Variants in HYCC2 observed in about 807,000 individuals in gnomAD.
The protein encoded by HYCC2 is hyccin PI4KA lipid kinase complex subunit 2, also known as hyccin 2.
At chr2:201,054,571 G>C in the HYCC2 span, among the ~76,000 whole-genome samples, 9 of 152,050 alleles carry the variant, frequency 5.9e-5, no homozygotes, top group African/African-American at 2.2e-4. Context: ...CCTTTTAGTA[G>C]GAAATAATAT....
At chr2:201,068,113 C>T in the HYCC2 span, among the ~76,000 whole-genome samples, 1 of 151,912 alleles carries the variant, frequency 6.6e-6, no homozygotes, top group Non-Finnish European at 1.5e-5. Context: ...GGAGAAATCC[C>T]GTCTCTACTA....
chr2:200,979,528 GAA>G, the HYCC2 span: 3 of 140,684 alleles, frequency 2.1e-5, no homozygotes, highest in Non-Finnish European at 3.1e-5. Context: ...TGCTAGGTGT[GAA>G]AAAAAAAAAG....
the HYCC2 span, among the ~76,000 whole-genome samples, chr2:201,065,317 A>G: frequency 6.6e-6 from 1 of 152,250 alleles, no homozygotes; most frequent in Admixed American, 6.5e-5. Flanking sequence ...AGTCCATGAT[A>G]TAGATGCACT....
the HYCC2 span, among the ~76,000 whole-genome samples, chr2:201,060,198 G>C: frequency 3.9e-5 from 6 of 152,122 alleles, no homozygotes; most frequent in Non-Finnish European, 5.9e-5. Flanking sequence ...GAGCTTAACA[G>C]CACTACTAGG....
At chr2:201,012,933 G>A in the HYCC2 span, among the ~76,000 whole-genome samples, 4 of 145,656 alleles carry the variant, frequency 2.7e-5, no homozygotes, top group African/African-American at 2.6e-5. Context: ...GGACAAGAGC[G>A]AGACTTCGTT....
chr2:201,019,764 A>T, the HYCC2 span, among the ~76,000 whole-genome samples: 1 of 151,822 alleles, frequency 6.6e-6, no homozygotes, highest in African/African-American at 2.4e-5. Context: ...CTTAAAAAAA[A>T]AAAAGAAAAA....
At chr2:201,063,378 G>A in the HYCC2 span, 3 of 1,580,680 alleles carry the variant, frequency 1.9e-6, no homozygotes, top group Non-Finnish European at 2.6e-6. Flanking sequence ...GATTCTCAAA[G>A]ACCAGGTGCC....
the HYCC2 span, among the ~76,000 whole-genome samples, chr2:201,013,939 G>C: frequency 6.6e-6 from 1 of 152,046 alleles, no homozygotes; most frequent in South Asian, 2.1e-4. Flanking sequence ...AAACAGAAAA[G>C]AATATATGGA....
At chr2:200,988,218 A>G in the HYCC2 span, 1 of 1,527,174 alleles carries the variant, frequency 6.5e-7, no homozygotes, top group Non-Finnish European at 8.9e-7. Flanking sequence ...ACAGTGATAA[A>G]TTTACTTGAC....
At chr2:201,004,070 C>T in the HYCC2 span, among the ~76,000 whole-genome samples, 1 of 152,210 alleles carries the variant, frequency 6.6e-6, no homozygotes, top group East Asian at 1.9e-4. Flanking sequence ...CCCGCCTCAG[C>T]CTCCCCAAGT....
the HYCC2 span, among the ~76,000 whole-genome samples, chr2:201,024,375 G>A: frequency 0.17 from 25,595 of 151,956 alleles, 2,344 homozygotes; most frequent in African/African-American, 0.21. Flanking sequence ...TCCAGTCCTA[G>A]TTACTTGGTA....
At chr2:201,042,899 C>A in the HYCC2 span, among the ~76,000 whole-genome samples, 3 of 150,076 alleles carry the variant, frequency 2.0e-5, no homozygotes, top group African/African-American at 7.4e-5. Flanking sequence ...AAGTGAGGAG[C>A]CCCTCTGCCC....
the HYCC2 span, chr2:200,976,060 G>T: frequency 1.3e-5 from 2 of 151,900 alleles, no homozygotes; most frequent in African/African-American, 4.8e-5. Context: ...TTATAATCTG[G>T]CAAATATTCT....
the HYCC2 span, among the ~76,000 whole-genome samples, chr2:201,018,526 AT>A: frequency 6.6e-6 from 1 of 152,220 alleles, no homozygotes; most frequent in South Asian, 2.1e-4. Flanking sequence ...TAACAAATCC[AT>A]GTCAATTATA....
the HYCC2 span, chr2:200,988,321 C>G: frequency 6.2e-7 from 1 of 1,613,746 alleles, no homozygotes; most frequent in South Asian, 1.1e-5. Context: ...CCGAGAAATC[C>G]TCGGCACTGT....
chr2:201,047,997 T>C, the HYCC2 span, among the ~76,000 whole-genome samples: 1 of 151,624 alleles, frequency 6.6e-6, no homozygotes, highest in Non-Finnish European at 1.5e-5. Context: ...CATGGAAATG[T>C]AGGAAGAAAT....
At chr2:201,063,219 T>C in the HYCC2 span, 11 of 1,603,864 alleles carry the variant, frequency 6.9e-6, no homozygotes, top group South Asian at 1.1e-4. Flanking sequence ...ACAGACTGTG[T>C]GGTAATGAGA....
the HYCC2 span, among the ~76,000 whole-genome samples, chr2:201,018,185 T>C: frequency 6.6e-6 from 1 of 152,172 alleles, no homozygotes; most frequent in South Asian, 2.1e-4. Flanking sequence ...CTGAAGAAAA[T>C]GAGCAGTTAA....
At chr2:200,988,381 G>A in the HYCC2 span, 1 of 1,613,350 alleles carries the variant, frequency 6.2e-7, no homozygotes, top group South Asian at 1.1e-5. Flanking sequence ...TGTAGAATCA[G>A]GAGCATCAAA....
Sources: allele counts gnomAD v4.1 joint callset (sites outside exome capture counted in the v4.1 genomes callset), GRCh38; gene constraint gnomAD v4.1.1; transcripts MANE v1.5; gene names NCBI Gene and HGNC (gene_info 2026-07-23, HGNC 2026-07-21).